Variants in ANKRD28 observed in about 807,000 individuals in gnomAD.
ANKRD28 encodes ankyrin repeat domain 28.
In ANKRD28, 44 loss-of-function variants were observed where a neutral mutation model predicts 126.5. That is an observed-to-expected ratio of 0.35 (90% confidence interval 0.27 to 0.45). The LOEUF (loss-of-function observed/expected upper bound fraction) is 0.45, where lower values mean the gene tolerates loss of function less well. ANKRD28 is among the 20% of genes least tolerant of loss of function. The pLI is 1.00. For synonymous variants in ANKRD28, 442 were observed against 468.5 expected, an observed-to-expected ratio of 0.94 and a Z score of 0.73; for missense variants, 1,110 against 1,316.6, an observed-to-expected ratio of 0.84 and a Z score of 2.43.
chr3:15,859,580 CCCGCCGCCGCCGCCGCCG>C (rs564654804), exon 1 of ANKRD28: 22 of 228,814 alleles, frequency 9.6e-5, no homozygotes, highest in East Asian at 8.1e-4. Flanking sequence ...TCCCCGGCCG[CCCGCCGCCGCCGCCGCCG>C]CCGCCGCCGC....
intron 3 of ANKRD28, among the ~76,000 whole-genome samples, chr3:15,758,977 TC>T (rs1357833423): frequency 6.6e-6 from 1 of 152,202 alleles, no homozygotes; most frequent in African/African-American, 2.4e-5. Flanking sequence ...CTGGAGGCAG[TC>T]TAAGGTCTGA....
chr3:15,729,798 CT>C (rs1222427453), intron 6 of ANKRD28, among the ~76,000 whole-genome samples: 17 of 152,302 alleles, frequency 1.1e-4, no homozygotes, highest in African/African-American at 4.1e-4. Flanking sequence ...TTTACAGCCT[CT>C]TTCCCCCCAT....
chr3:15,706,178 T>C (rs1044979871), intron 14 of ANKRD28, among the ~76,000 whole-genome samples: 2 of 152,032 alleles, frequency 1.3e-5, no homozygotes, highest in African/African-American at 4.8e-5. Flanking sequence ...GCCACGTTGG[T>C]GTGCTGCACC....
chr3:15,850,220 T>C (rs376492755), intron 1 of ANKRD28, among the ~76,000 whole-genome samples: 1 of 49,352 alleles, frequency 2.0e-5, no homozygotes, highest in Non-Finnish European at 4.5e-5. Context: ...TATATATATA[T>C]ATATAGAGAG....
At chr3:15,757,107 G>C (rs1205318094) in intron 3 of ANKRD28, among the ~76,000 whole-genome samples, 2 of 152,094 alleles carry the variant, frequency 1.3e-5, no homozygotes, top group African/African-American at 4.8e-5. Context: ...TCAATACACA[G>C]TGTTTTCTCT....
At chr3:15,856,332 A>G (rs957632831) in intron 1 of ANKRD28, among the ~76,000 whole-genome samples, 8 of 152,300 alleles carry the variant, frequency 5.3e-5, no homozygotes, top group African/African-American at 1.7e-4. Flanking sequence ...CTGAAGCCCA[A>G]TGTCAATTAC....
Position 15,850,204 on chromosome 3 carries a change from A to ATAT in ANKRD28, c.27+9172_27+9173insATA, listed in dbSNP as rs1553650054. On this transcript the variant is annotated intron_variant, in intron 1 of 27. Transcript: ENST00000399451. ...TCTACATGCAATAAAAAAAAAAAAA[A>ATAT]ATATATATATATATATATATAGAGA... Among the ~76,000 whole-genome samples, 185 of 54,792 alleles carry ATAT rather than the reference A, an allele frequency of 3.4e-3. 7 individuals carry two copies. The highest frequency in any genetic ancestry group is 7.4e-3 in the African/African-American group (125 of 16,902). 35.9% of individuals were successfully genotyped at this position (54,792 alleles called of 152,430 possible). A position where few individuals can be genotyped will look rare whatever the true frequency, so the allele number is the denominator to read the frequency against.
chr3:15,850,204 A>AAAAAAATATAT (rs1486394619), intron 1 of ANKRD28, among the ~76,000 whole-genome samples: 4 of 54,828 alleles, frequency 7.3e-5, no homozygotes, highest in Non-Finnish European at 1.5e-4. Flanking sequence ...AAAAAAAAAA[A>AAAAAAATATAT]ATATATATAT....
Position 15,720,906 on chromosome 3 carries a change from G to C in ANKRD28, c.996+9C>G. ...TGAAATACTTATAGATTCTGATTTT[G>C]TTCCTTACCTTCATATTGACATCGG... On this transcript the variant is annotated intron_variant, in intron 8 of 27. Transcript: ENST00000683139. The C allele has an allele frequency of 1.9e-6, 3 of 1,611,094 alleles. No homozygotes were observed. The highest frequency in any genetic ancestry group is 1.7e-6 in the Non-Finnish European group (2 of 1,178,260).
At chr3:15,679,662 T>A in intron 21 of ANKRD28, 99 bp from the exon 22 acceptor site, 1 of 868,054 alleles carries the variant, frequency 1.2e-6, no homozygotes, top group Non-Finnish European at 1.8e-6. Context: ...TAAAAGTCTC[T>A]CCCTCATCCC....
intron 14 of ANKRD28, among the ~76,000 whole-genome samples, chr3:15,699,101 T>A (rs182063873): frequency 2.2e-4 from 33 of 152,230 alleles, no homozygotes; most frequent in African/African-American, 7.5e-4. Flanking sequence ...TCTACAACCA[T>A]CTGATTTTTG....
At chr3:15,717,129 T>C (rs190545064) in intron 8 of ANKRD28, among the ~76,000 whole-genome samples, 3 of 152,078 alleles carry the variant, frequency 2.0e-5, no homozygotes, top group Admixed American at 1.3e-4. Context: ...AAGTGATGAG[T>C]CCTTTATTTA....
intron 11 of ANKRD28, among the ~76,000 whole-genome samples, chr3:15,711,793 T>A (rs2072320969): frequency 6.6e-6 from 1 of 151,920 alleles, no homozygotes; most frequent in African/African-American, 2.4e-5. Context: ...TTCAAGCGAT[T>A]CTCCTGCCTC....
chr3:15,797,874 G>A lies in ANKRD28; in HGVS notation c.-1353C>T. On this transcript the variant is annotated 5_prime_UTR_variant, in exon 1 of 28. Transcript: ENST00000683139. ...AAATATCTATAGAACCTCAGTATCA[G>A]TCCCACAGAAGCATTCCAACGGAGC... 1.0e-6 allele frequency: 1 copy of A among 985,366 alleles called. No individual in the cohort carries two copies. Among genetic ancestry groups the A allele is most frequent in the Non-Finnish European group, 1.2e-6 (1 of 829,942 alleles). 61.0% of individuals were successfully genotyped at this position (985,366 alleles called of 1,614,324 possible).
chr3:15,714,601 C>A lies in ANKRD28; in HGVS notation c.1052G>T (p.Arg351Leu). 1 of 1,590,692 alleles carries A rather than the reference C, an allele frequency of 6.3e-7. No homozygotes were observed. Among genetic ancestry groups the A allele is most frequent in the Non-Finnish European group, 8.5e-7 (1 of 1,172,218 alleles). The change falls in exon 9 of 28, where the codon CGA becomes CTA. Residue 351 changes from arginine (R) to leucine (L), a missense_variant. Arg to Leu is a moderately radical substitution (Grantham distance 102). Coordinates refer to ENST00000683139, the MANE Select transcript of ANKRD28 (RefSeq NM_001349278.2). ...ACCACTCTGGATAATGGTTTGTGAT[C>A]GGGAGAATCTACCGTGGAGAGCAGT... ...HMTALHGRFS[R>L]SQTIIQSGAV...
intron 7 of ANKRD28, 128 bp from the exon 8 acceptor site, chr3:15,721,255 A>C (rs2073694270): frequency 1.7e-5 from 13 of 753,122 alleles, no homozygotes; most frequent in Non-Finnish European, 2.8e-5. Flanking sequence ...ATAAGTACAG[A>C]GATAAGGCTT....
chr3:15,796,279 A>T, intron 1 of ANKRD28, 126 bp downstream of exon 1: 3 of 427,584 alleles, frequency 7.0e-6, no homozygotes, highest in Non-Finnish European at 1.1e-5. Flanking sequence ...CATCATATCT[A>T]CACACGTATT....
chr3:15,774,097 C>T (rs776439579), intron 2 of ANKRD28, among the ~76,000 whole-genome samples: 8 of 152,054 alleles, frequency 5.3e-5, no homozygotes, highest in South Asian at 4.1e-4. Context: ...TCACATGCCA[C>T]AAAATTAACC....
At chr3:15,729,363 C>T (rs2074412481) in intron 6 of ANKRD28, among the ~76,000 whole-genome samples, 1 of 152,152 alleles carries the variant, frequency 6.6e-6, no homozygotes, top group Non-Finnish European at 1.5e-5. Flanking sequence ...TATACTAGTC[C>T]TTGAAGAAAC....
Sources: gnomAD v4.1 joint callset for allele counts (sites outside exome capture counted in the v4.1 genomes callset) on GRCh38, gnomAD v4.1.1 for gene constraint, MANE v1.5 for transcripts, NCBI Gene and HGNC (gene_info 2026-07-23, HGNC 2026-07-21) for gene names.